The following QTRT2 variants were observed in gnomAD, a reference collection of about 807,000 sequenced individuals.
QTRT2 encodes the protein queuine tRNA-ribosyltransferase domain containing 1.
Under a neutral mutation model 44.8 loss-of-function variants are expected in QTRT2, and 32 were observed. The ratio of observed to expected loss-of-function variants is 0.71; its 90% CI spans 0.54 to 0.96. The LOEUF (loss-of-function observed/expected upper bound fraction) is 0.96. Among genes scored for constraint, QTRT2 ranks in the 40% least tolerant of loss-of-function variants. The probability of loss-of-function intolerance (pLI) is 0.00; values close to 1 mark genes in which losing one functional copy is unlikely to be tolerated. For synonymous variants in QTRT2, 182 were observed against 187.4 expected (o/e 0.97, Z 0.24); for missense variants, 461 against 503.1 (o/e 0.92, Z 0.80).
At chr3:114,077,869 A>G (rs2077112967) in intron 7 of QTRT2, 1 of 151,904 alleles carries the variant, frequency 6.6e-6, no homozygotes, top group South Asian at 2.1e-4. Context: ...ATGCGCCACC[A>G]TGCCTGGCTA....
In QTRT2 at chr3:114,056,983, C is replaced by T. The variant is rs962257906; in HGVS notation, c.-129-16C>T. The T allele has an allele frequency of 1.4e-6, 2 of 1,454,290 alleles. No homozygotes were observed. The highest frequency in any genetic ancestry group is 1.8e-6 in the Non-Finnish European group (2 of 1,107,630). 90.1% of individuals were successfully genotyped at this position (1,454,290 alleles called of 1,614,324 possible). A position where few individuals can be genotyped will look rare whatever the true frequency, so the allele number is the denominator to read the frequency against. On this transcript the variant is annotated splice_polypyrimidine_tract_variant and intron_variant, in intron 1 of 9. Transcript: ENST00000281273. ...TGATTGTACTCCCGCCATGTCTCCTCTGCTTCCCTTTTCAGGGTGTCCTGG... is the reference window on the plus strand; with the variant it reads ...TGATTGTACTCCCGCCATGTCTCCTTTGCTTCCCTTTTCAGGGTGTCCTGG...
chr3:114,078,517 CA>C (rs1260397828), intron 7 of QTRT2: 1 of 151,262 alleles, frequency 6.6e-6, no homozygotes, highest in Non-Finnish European at 1.5e-5. Context: ...TAAAAAAGAG[CA>C]GCAGCCAGCC....
rs868792344 is a variant in QTRT2 at position 114,086,370 on chromosome 3, A to G, written c.*466A>G. The G allele has an allele frequency of 1.7e-4, 29 of 173,274 alleles. No homozygotes were observed. Among genetic ancestry groups the G allele is most frequent in the Admixed American group, 3.8e-4 (7 of 18,348 alleles). The allele number at this position is 173,274 out of a possible 1,614,324, so 10.7% of individuals were successfully genotyped here. Reference sequence around the variant, plus strand: ...TAGTTCACCCTCATACTCTCAGGAGACTCTTCTGGATACTTTTGTCTTCCA... The same window carrying G: ...TAGTTCACCCTCATACTCTCAGGAGGCTCTTCTGGATACTTTTGTCTTCCA... On this transcript the variant is annotated 3_prime_UTR_variant, in exon 10 of 10. Coordinates refer to ENST00000281273, the MANE Select transcript of QTRT2 (RefSeq NM_024638.4).
intron 7 of QTRT2, chr3:114,077,581 T>A (rs1238661201): frequency 6.6e-6 from 1 of 152,648 alleles, no homozygotes; most frequent in East Asian, 1.9e-4. Context: ...ACATTTTTTT[T>A]AATGGTTTGT....
At chr3:114,073,621 C>T (rs942278464) in intron 6 of QTRT2, among the ~76,000 whole-genome samples, 2 of 152,074 alleles carry the variant, frequency 1.3e-5, no homozygotes, top group Admixed American at 6.6e-5. Flanking sequence ...CCTTTTCATT[C>T]GCCTGCCTCA....
At position 114,079,910 on chromosome 3, in the gene QTRT2, A is replaced by G; in HGVS notation, c.751A>G (p.Ile251Val). Reference sequence around the variant, plus strand: ...TTCTTATTCTTACTTTTACAGGCTCATATCTGGTGTTAGTCGGCCAGATGA... The same window carrying G: ...TTCTTATTCTTACTTTTACAGGCTCGTATCTGGTGTTAGTCGGCCAGATGA... ...AELPEDKPRL[I>V]SGVSRPDEVL... The change falls in exon 8 of 10, where the codon ATA (isoleucine) becomes GTA (valine). Residue 251 changes from isoleucine (I) to valine (V), a missense_variant. By Grantham distance (29) the Ile-to-Val change is conservative. Coordinates refer to ENST00000281273, the MANE Select transcript of QTRT2 (RefSeq NM_024638.4). 1 of 1,613,244 alleles carries G rather than the reference A, an allele frequency of 6.2e-7. No individual in the cohort carries two copies.
rs2076797500 is a variant in QTRT2, at chr3:114,056,862, C to T, written c.-132C>T. On this transcript the variant is annotated splice_region_variant and 5_prime_UTR_variant, in exon 1 of 10. The change creates a premature stop within an existing upstream ORF in the 5' untranslated region. Coordinates refer to ENST00000281273, the MANE Select transcript of QTRT2 (RefSeq NM_024638.4). ...CTGAAAGAGTCGAATGGTTTGTTGG[C>T]AGGTAAGTGCCCCTTTGCCCTGCTG... The T allele has an allele frequency of 1.3e-6, 2 of 1,535,884 alleles. No individual in the cohort carries two copies. The highest frequency in any genetic ancestry group is 1.7e-6 in the Non-Finnish European group (2 of 1,146,748).
chr3:114,065,097 A>G (rs768203313), intron 2 of QTRT2, 140 bp from the exon 3 acceptor site: 4 of 618,940 alleles, frequency 6.5e-6, no homozygotes, highest in Non-Finnish European at 1.1e-5. Flanking sequence ...CCCGTTCCTG[A>G]TATCTATGAA....
intron 4 of QTRT2, 114 bp from the exon 5 acceptor site, chr3:114,067,873 C>A: frequency 2.6e-6 from 2 of 778,698 alleles, no homozygotes; most frequent in Non-Finnish European, 2.2e-6. Flanking sequence ...AACCTATTGA[C>A]AGTGTTTAGA....
intron 2 of QTRT2, among the ~76,000 whole-genome samples, chr3:114,062,352 G>C (rs1468363726): frequency 1.6e-5 from 2 of 125,592 alleles, no homozygotes. Context: ...CTGGGCAATA[G>C]AGTGAGACCT....
chr3:114,071,430 CT>C (rs1390052711), intron 6 of QTRT2, among the ~76,000 whole-genome samples: 1 of 152,162 alleles, frequency 6.6e-6, no homozygotes, highest in African/African-American at 2.4e-5. Context: ...TCCCGTATAG[CT>C]GATATTACAG....
intron 7 of QTRT2, 106 bp from the exon 8 acceptor site, chr3:114,079,800 G>A (rs912518455): frequency 1.8e-6 from 2 of 1,085,200 alleles, no homozygotes; most frequent in Non-Finnish European, 2.8e-6. Flanking sequence ...CATGATTGGT[G>A]TTTTTCATTA....
Position 114,064,267 on chromosome 3 carries a change from C to T in QTRT2, c.-21-970C>T, listed in dbSNP as rs144270215. Among the ~76,000 whole-genome samples, 296 of 152,174 alleles carry T rather than the reference C, an allele frequency of 1.9e-3. 1 individual carries two copies. Among genetic ancestry groups the T allele is most frequent in the African/African-American group, 6.9e-3 (285 of 41,524 alleles). ...AAGAAAATTGGATCCTCTCTGATAGCTCATTTGTCAACTAATAAAACTGGG... is the reference window on the plus strand; with the variant it reads ...AAGAAAATTGGATCCTCTCTGATAGTTCATTTGTCAACTAATAAAACTGGG... On this transcript the variant is annotated intron_variant, in intron 2 of 9. Coordinates refer to ENST00000281273, the MANE Select transcript of QTRT2 (RefSeq NM_024638.4).
At chr3:114,084,599 A>T (rs1183632383) in intron 9 of QTRT2, among the ~76,000 whole-genome samples, 1 of 152,184 alleles carries the variant, frequency 6.6e-6, no homozygotes, top group Non-Finnish European at 1.5e-5. Context: ...CCTCAAAAAA[A>T]GTTAACACCT....
chr3:114,067,791 A>G (rs1465743215), intron 4 of QTRT2, among the ~76,000 whole-genome samples, 196 bp from the exon 5 acceptor site: 1 of 152,166 alleles, frequency 6.6e-6, no homozygotes, highest in Non-Finnish European at 1.5e-5. Context: ...GTGAAGCTTT[A>G]TATTTCTTTC....
chr3:114,069,531 C>T (rs1190393781), intron 5 of QTRT2, among the ~76,000 whole-genome samples: 3 of 152,124 alleles, frequency 2.0e-5, no homozygotes, highest in Admixed American at 2.0e-4. Context: ...TTGCTAGGGA[C>T]AATGGCCTCC....
intron 3 of QTRT2, among the ~76,000 whole-genome samples, chr3:114,065,749 A>G (rs533240835): frequency 6.6e-6 from 1 of 152,314 alleles, no homozygotes; most frequent in South Asian, 2.1e-4. Flanking sequence ...TGAGAGCTGC[A>G]TTTGGAGTTC....
intron 2 of QTRT2, among the ~76,000 whole-genome samples, chr3:114,063,602 A>G (rs866818945): frequency 6.6e-6 from 1 of 152,100 alleles, no homozygotes. Context: ...TGAAATAATG[A>G]TCTCATAGTT....
At chr3:114,065,988 A>T (rs964137603) in intron 3 of QTRT2, among the ~76,000 whole-genome samples, 1 of 152,372 alleles carries the variant, frequency 6.6e-6, no homozygotes, top group African/African-American at 2.4e-5. Context: ...AAATTCAAGT[A>T]TTCTGAAGGA....
Sources: gnomAD v4.1 joint callset for allele counts (sites outside exome capture counted in the v4.1 genomes callset) on GRCh38, gnomAD v4.1.1 for gene constraint, MANE v1.5 for transcripts, NCBI Gene and HGNC (gene_info 2026-07-23, HGNC 2026-07-21) for gene names.